LGR5: variants seen among roughly 807,000 people sequenced by gnomAD.
LGR5 encodes leucine rich repeat containing G protein-coupled receptor 5, also known as leucine-rich repeat-containing G protein-coupled receptor 5.
Under a neutral mutation model 76.7 loss-of-function variants are expected in LGR5, and 54 were observed. The ratio of observed to expected loss-of-function variants is 0.70; its 90% confidence interval spans 0.57 to 0.88. The LOEUF is 0.88. Among genes scored for constraint, LGR5 ranks in the 40% least tolerant of loss-of-function variants. The pLI, the probability that LGR5 is intolerant of heterozygous loss-of-function variation, is 0.00. For synonymous variants in LGR5, 406 were observed against 421.9 expected (o/e 0.96, Z 0.46); for missense variants, 1,078 against 1,073.3 (o/e 1.00, Z -0.06).
chr12:71,450,068 T>C (rs1474355978), intron 1 of LGR5, among the ~76,000 whole-genome samples: 5 of 152,206 alleles, frequency 3.3e-5, no homozygotes, highest in Non-Finnish European at 4.4e-5. Context: ...CTTTATTTCA[T>C]AGATGATGAA....
chr12:71,574,774 A>G (rs1878776028), intron 13 of LGR5, among the ~76,000 whole-genome samples: 1 of 151,696 alleles, frequency 6.6e-6, no homozygotes, highest in South Asian at 2.1e-4. Context: ...ATTCCTCCCC[A>G]CCCATGACTT....
At chr12:71,581,906 C>G (rs912453296) in intron 16 of LGR5, among the ~76,000 whole-genome samples, 1 of 152,162 alleles carries the variant, frequency 6.6e-6, no homozygotes, top group African/African-American at 2.4e-5. Context: ...CCAATTAAAT[C>G]TGTATCTTTG....
At chr12:71,452,961 C>T (rs538370756) in intron 1 of LGR5, among the ~76,000 whole-genome samples, 3 of 152,296 alleles carry the variant, frequency 2.0e-5, no homozygotes, top group Non-Finnish European at 4.4e-5. Flanking sequence ...TATTATCACA[C>T]TAAACTCATG....
intron 1 of LGR5, among the ~76,000 whole-genome samples, chr12:71,441,083 A>C (rs950090478): frequency 5.3e-5 from 8 of 152,048 alleles, no homozygotes; most frequent in Non-Finnish European, 1.2e-4. Flanking sequence ...CGGCACCGAC[A>C]CCCAAAGGGA....
At chr12:71,500,557 C>A (rs1418550310) in intron 1 of LGR5, among the ~76,000 whole-genome samples, 1 of 152,164 alleles carries the variant, frequency 6.6e-6, no homozygotes, top group African/African-American at 2.4e-5. Context: ...CCCATCTCAG[C>A]CTCCTAAGTA....
intron 1 of LGR5, among the ~76,000 whole-genome samples, chr12:71,484,357 C>T (rs926668970): frequency 1.3e-5 from 2 of 152,126 alleles, no homozygotes; most frequent in South Asian, 2.1e-4. Flanking sequence ...ATATGTAGAA[C>T]TGTTATGCTA....
At chr12:71,516,815 T>G (rs1875466590) in intron 2 of LGR5, among the ~76,000 whole-genome samples, 1 of 152,160 alleles carries the variant, frequency 6.6e-6, no homozygotes, top group Non-Finnish European at 1.5e-5. Flanking sequence ...TAATAGCAAT[T>G]AAGTCAGTAA....
chr12:71,547,109 C>T (rs1421149382), intron 4 of LGR5, among the ~76,000 whole-genome samples: 1 of 152,204 alleles, frequency 6.6e-6, no homozygotes, highest in East Asian at 1.9e-4. Flanking sequence ...CATGACCCTT[C>T]CTCATCAGTT....
Position 71,584,938 on chromosome 12 carries a change from T to G in LGR5, c.*204T>G, listed in dbSNP as rs1237817101. Reference sequence around the variant, plus strand: ...TCTAAATGCTGCTTTGTATAATTTGTTCAGCTAAGGGATAGATCGATCACA... The same window carrying G: ...TCTAAATGCTGCTTTGTATAATTTGGTCAGCTAAGGGATAGATCGATCACA... On this transcript the variant is annotated 3_prime_UTR_variant, in exon 18 of 18. Coordinates refer to ENST00000266674, the MANE Select transcript of LGR5 (RefSeq NM_003667.4). 1 of 578,034 alleles carries G rather than the reference T, an allele frequency of 1.7e-6. No individual in the cohort carries two copies. Among genetic ancestry groups the G allele is most frequent in the East Asian group, 2.8e-5 (1 of 35,386 alleles). 35.8% of individuals were successfully genotyped at this position (578,034 alleles called of 1,614,324 possible). A position where few individuals can be genotyped will look rare whatever the true frequency, so the allele number is the denominator to read the frequency against.
chr12:71,469,636 G>A (rs1873011793), intron 1 of LGR5, among the ~76,000 whole-genome samples: 1 of 152,238 alleles, frequency 6.6e-6, no homozygotes, highest in Admixed American at 6.5e-5. Context: ...AAAATCCAGT[G>A]AAGTGGAAGC....
At chr12:71,447,667 C>T (rs576797701) in intron 1 of LGR5, among the ~76,000 whole-genome samples, 1 of 152,290 alleles carries the variant, frequency 6.6e-6, no homozygotes, top group South Asian at 2.1e-4. Context: ...GAAAGTGTCT[C>T]GTGCACACTA....
chr12:71,518,108 A>G (rs1034979542), intron 2 of LGR5, among the ~76,000 whole-genome samples: 3 of 152,162 alleles, frequency 2.0e-5, no homozygotes, highest in Non-Finnish European at 4.4e-5. Flanking sequence ...TTGGCAAACT[A>G]TGCATCTAAC....
intron 1 of LGR5, among the ~76,000 whole-genome samples, chr12:71,447,086 T>C (rs1872033645): frequency 6.6e-6 from 1 of 152,248 alleles, no homozygotes; most frequent in Admixed American, 6.5e-5. Context: ...AGGCAAATTC[T>C]ATTTGAGCTT....
At chr12:71,553,377 A>G (rs1156755489) in intron 5 of LGR5, 89 bp downstream of exon 5, 1 of 1,101,982 alleles carries the variant, frequency 9.1e-7, no homozygotes, top group South Asian at 1.3e-5. Context: ...CAAAGCTCAA[A>G]TGGGGACATT....
chr12:71,557,679 C>T (rs1877845014), intron 6 of LGR5, among the ~76,000 whole-genome samples: 1 of 152,164 alleles, frequency 6.6e-6, no homozygotes, highest in Non-Finnish European at 1.5e-5. Flanking sequence ...AGGCTTTTCC[C>T]AGGGGAGGAG....
intron 2 of LGR5, among the ~76,000 whole-genome samples, chr12:71,515,449 T>G (rs1261131190): frequency 6.6e-6 from 1 of 152,210 alleles, no homozygotes; most frequent in Non-Finnish European, 1.5e-5. Flanking sequence ...TTCAGAAATT[T>G]TACATTTAAA....
At chr12:71,553,779 CAA>C (rs906109755) in intron 5 of LGR5, among the ~76,000 whole-genome samples, 2 of 152,102 alleles carry the variant, frequency 1.3e-5, no homozygotes, top group African/African-American at 4.8e-5. Flanking sequence ...TTTATTAAGA[CAA>C]GAGAATTGCA....
At position 71,580,346 on chromosome 12, in the gene LGR5, C is replaced by T; in HGVS notation, c.1475C>T (p.Ser492Phe). The change falls in exon 16 of 18, where the codon TCT (serine) becomes TTT (phenylalanine). Residue 492 changes from serine (S) to phenylalanine (F), a missense_variant. Ser to Phe is a radical substitution (Grantham distance 155, BLOSUM62 -2). Transcript: ENST00000266674. ...GTGTGTGAGAATGCCTATAAGATTT[C>T]TAATCAATGGAATAAAGGTGACAAC... ...FGVCENAYKI[S>F]NQWNKGDNSS... 1.9e-6 allele frequency: 3 copies of T among 1,613,854 alleles called. No homozygotes were observed. The highest frequency in any genetic ancestry group is 1.7e-6 in the Non-Finnish European group (2 of 1,179,834).
chr12:71,537,903 A>G (rs1048593423), intron 4 of LGR5, among the ~76,000 whole-genome samples: 1 of 151,666 alleles, frequency 6.6e-6, no homozygotes, highest in African/African-American at 2.4e-5. Context: ...CAACCCTTAG[A>G]TCTTCACTTA....
Sources: allele counts gnomAD v4.1 joint callset (sites outside exome capture counted in the v4.1 genomes callset), GRCh38; gene constraint gnomAD v4.1.1; transcripts MANE v1.5; gene names NCBI Gene and HGNC (gene_info 2026-07-23, HGNC 2026-07-21).